CNIH3: variants seen among roughly 807,000 people sequenced by gnomAD.
CNIH3 encodes cornichon family AMPA receptor auxiliary protein 3.
A neutral mutation model predicts 24.1 loss-of-function variants in CNIH3; 14 were observed. That is an observed-to-expected ratio of 0.58 (90% CI 0.38 to 0.91). The LOEUF (loss-of-function observed/expected upper bound fraction) is 0.91, where lower values mean the gene tolerates loss of function less well. Among genes scored for constraint, CNIH3 ranks in the 40% least tolerant of loss-of-function variants. The pLI, the probability that CNIH3 is intolerant of heterozygous loss-of-function variation, is 0.00. For missense variants in CNIH3, 178 were observed against 196.8 expected (o/e 0.90, Z 0.57); for synonymous variants, 68 against 73.8 (o/e 0.92, Z 0.40).
intron 4 of CNIH3, among the ~76,000 whole-genome samples, chr1:224,732,071 G>T (rs1306728343): frequency 6.6e-6 from 1 of 152,224 alleles, no homozygotes; most frequent in East Asian, 1.9e-4. Context: ...AAGGTGGCCT[G>T]GGAAGCAGTG....
In CNIH3 at chr1:224,510,129, G is replaced by C. The variant is rs149076653; in HGVS notation, n.204-5612G>C. 4.0e-3 allele frequency among the ~76,000 whole-genome samples: 609 copies of C among 152,196 alleles called. 1 individual carries two copies. Among genetic ancestry groups the C allele is most frequent in the Non-Finnish European group, 5.6e-3 (378 of 67,998 alleles). ...GTTTAAACTTGATAACTGAACTCTG[G>C]ACTCCTCCCTCTTGACTCACTGAGG... On this transcript the variant is annotated intron_variant and non_coding_transcript_variant, in intron 1 of 5. Coordinates refer to the CNIH3 transcript ENST00000471578.
At chr1:224,496,566 A>G (rs1043086964) in intron 1 of CNIH3, among the ~76,000 whole-genome samples, 5 of 152,200 alleles carry the variant, frequency 3.3e-5, no homozygotes, top group African/African-American at 9.6e-5. Context: ...TGGTCCCTGA[A>G]TCAGGGTGGT....
At chr1:224,526,388 T>C (rs1678847888) in intron 2 of CNIH3, among the ~76,000 whole-genome samples, 1 of 152,128 alleles carries the variant, frequency 6.6e-6, no homozygotes, top group Admixed American at 6.6e-5. Flanking sequence ...AGGGAGCTTT[T>C]TTCCCCCTTT....
chr1:224,518,500 C>A (rs1024998601), intron 1 of CNIH3, among the ~76,000 whole-genome samples: 1 of 141,748 alleles, frequency 7.1e-6, no homozygotes, highest in Non-Finnish European at 1.6e-5. Context: ...ATTTTTGAAG[C>A]CTTTTTTTTT....
At chr1:224,581,190 G>C (rs1307818009) in intron 4 of CNIH3, among the ~76,000 whole-genome samples, 1 of 152,024 alleles carries the variant, frequency 6.6e-6, no homozygotes, top group Non-Finnish European at 1.5e-5. Flanking sequence ...TGTTGCTTTT[G>C]TCTTTGTCCT....
At chr1:224,555,799 T>C (rs934752247) in intron 3 of CNIH3, among the ~76,000 whole-genome samples, 1 of 152,234 alleles carries the variant, frequency 6.6e-6, no homozygotes, top group African/African-American at 2.4e-5. Flanking sequence ...TCTCAAACCT[T>C]TCCCTTGCCC....
intron 3 of CNIH3, among the ~76,000 whole-genome samples, chr1:224,718,481 G>T (rs939551257): frequency 1.3e-5 from 2 of 152,218 alleles, no homozygotes; most frequent in Non-Finnish European, 2.9e-5. Context: ...CCATCGTAAG[G>T]AGTTTGGATT....
At chr1:224,579,930 T>C (rs1681201057) in intron 4 of CNIH3, among the ~76,000 whole-genome samples, 1 of 152,170 alleles carries the variant, frequency 6.6e-6, no homozygotes, top group Non-Finnish European at 1.5e-5. Flanking sequence ...CAGCCTTAGG[T>C]ATTCCTTTCT....
intron 3 of CNIH3, among the ~76,000 whole-genome samples, chr1:224,724,993 G>A (rs948644235): frequency 2.0e-5 from 3 of 151,966 alleles, no homozygotes; most frequent in Admixed American, 6.5e-5. Flanking sequence ...GGTGGATCAC[G>A]AGGTCAGGAG....
intron 1 of CNIH3, among the ~76,000 whole-genome samples, chr1:224,480,947 C>G (rs1676783262): frequency 6.6e-6 from 1 of 152,152 alleles, no homozygotes; most frequent in South Asian, 2.1e-4. Flanking sequence ...CTACTGGTAC[C>G]AATTTACTGT....
intron 2 of CNIH3, among the ~76,000 whole-genome samples, chr1:224,683,636 T>G (rs1475746407): frequency 1.3e-5 from 2 of 152,260 alleles, no homozygotes; most frequent in Non-Finnish European, 2.9e-5. Context: ...TCAATATCGT[T>G]GGACCCTCTG....
chr1:224,438,966 G>A (rs1005252167), intron 1 of CNIH3, among the ~76,000 whole-genome samples: 1 of 152,164 alleles, frequency 6.6e-6, no homozygotes, highest in African/African-American at 2.4e-5. Flanking sequence ...AAATGCAGAG[G>A]TGTAAGATGG....
intron 3 of CNIH3, among the ~76,000 whole-genome samples, chr1:224,566,034 T>TGG (rs1425839178): frequency 8.7e-5 from 13 of 150,100 alleles, no homozygotes; most frequent in African/African-American, 3.0e-4. Context: ...GCTTTCTGTT[T>TGG]TTTTTTTTTT....
chr1:224,633,403 C>T (rs1356005821), intron 1 of CNIH3, among the ~76,000 whole-genome samples: 3 of 152,110 alleles, frequency 2.0e-5, no homozygotes, highest in African/African-American at 7.2e-5. Flanking sequence ...AAGTGATCCG[C>T]CTGTCTCGGC....
chr1:224,660,829 C>T (rs1264051979), intron 1 of CNIH3, among the ~76,000 whole-genome samples: 2 of 152,210 alleles, frequency 1.3e-5, no homozygotes, highest in African/African-American at 2.4e-5. Context: ...CTGCTTGGCT[C>T]ACATTTGCAG....
intron 1 of CNIH3, among the ~76,000 whole-genome samples, chr1:224,460,773 GT>G (rs11322243): frequency 0.29 from 41,355 of 144,344 alleles, 7,068 homozygotes; most frequent in African/African-American, 0.49. Flanking sequence ...GGTTTTTTGG[GT>G]TTTTTTTTTT....
At chr1:224,554,518 T>C (rs1322713550) in intron 3 of CNIH3, among the ~76,000 whole-genome samples, 5 of 152,150 alleles carry the variant, frequency 3.3e-5, no homozygotes, top group African/African-American at 1.2e-4. Context: ...CTTTTTTTCT[T>C]GTCATTATTC....
At chr1:224,597,538 A>G (rs1682036081) in intron 3 of CNIH3, among the ~76,000 whole-genome samples, 1 of 152,142 alleles carries the variant, frequency 6.6e-6, no homozygotes, top group African/African-American at 2.4e-5. Context: ...CCAAAGAAGT[A>G]TTTATAAAAG....
Position 224,458,593 on chromosome 1 carries a change from G to A in CNIH3, n.203+23731G>A, listed in dbSNP as rs1159768871. Among the ~76,000 whole-genome samples, 1 of 152,120 alleles carries A rather than the reference G, an allele frequency of 6.6e-6. No individual in the cohort carries two copies. Among genetic ancestry groups the A allele is most frequent in the East Asian group, 1.9e-4 (1 of 5,190 alleles). On this transcript the variant is annotated intron_variant and non_coding_transcript_variant, in intron 1 of 5. Coordinates refer to the CNIH3 transcript ENST00000471578. This position sits in a 1 kb window ranked among gnomAD's most constrained non-coding sequence, Gnocchi z 4.3. ...TGTCTGATTCCAACCTTCCACTGTT[G>A]AACAGACCTCCTACCACTTTCCTAC... is the stretch of plus-strand genomic sequence containing the variant.
Sources: allele counts gnomAD v4.1 joint callset (sites outside exome capture counted in the v4.1 genomes callset), GRCh38; gene constraint gnomAD v4.1.1; non-coding constraint Gnocchi (gnomAD v3.1); transcripts MANE v1.5; gene names NCBI Gene and HGNC (gene_info 2026-07-23, HGNC 2026-07-21).